Variants in SPPL3 observed in about 807,000 individuals in gnomAD.
The protein encoded by SPPL3 is signal peptide peptidase like 3, also known as signal peptide peptidase-like 3.
A neutral mutation model predicts 42.4 loss-of-function variants in SPPL3; 5 were observed. That is an observed-to-expected ratio of 0.12 (90% confidence interval 0.06 to 0.25). The LOEUF (loss-of-function observed/expected upper bound fraction) is 0.25. SPPL3 is among the 10% of genes least tolerant of loss of function. The probability of loss-of-function intolerance (pLI) is 1.00; values close to 1 mark genes in which losing one functional copy is unlikely to be tolerated. For missense variants in SPPL3, 235 were observed against 489.0 expected (o/e 0.48, Z 4.90); for synonymous variants, 195 against 181.8 (o/e 1.07, Z -0.58).
intron 6 of SPPL3, among the ~76,000 whole-genome samples, chr12:120,776,197 T>C (rs1443802666): frequency 6.6e-6 from 1 of 152,236 alleles, no homozygotes. Flanking sequence ...ACTGGGAAAC[T>C]GCAATAATGA....
intron 1 of SPPL3, among the ~76,000 whole-genome samples, chr12:120,883,027 G>A (rs535039939): frequency 3.2e-4 from 49 of 152,078 alleles, no homozygotes; most frequent in Admixed American, 3.3e-4. Context: ...TCTAGAGGCC[G>A]GGCGTGGTGG....
chr12:120,845,080 A>C (rs1286506382), intron 1 of SPPL3: 1 of 354,338 alleles, frequency 2.8e-6, no homozygotes, highest in Non-Finnish European at 5.6e-6. Context: ...AGCAGAGGGC[A>C]AGAGGAGTGA....
intron 1 of SPPL3, among the ~76,000 whole-genome samples, chr12:120,877,228 C>T (rs1050672841): frequency 4.6e-5 from 7 of 152,116 alleles, no homozygotes; most frequent in African/African-American, 1.7e-4. Flanking sequence ...GAAATTGTAG[C>T]TTAAAATCCT....
At chr12:120,852,878 T>TTATATATGA (rs1461979024) in intron 1 of SPPL3, among the ~76,000 whole-genome samples, 40 of 138,142 alleles carry the variant, frequency 2.9e-4, no homozygotes, top group Non-Finnish European at 4.1e-4. Context: ...TATATACATA[T>TTATATATGA]CATATATATT....
At chr12:120,796,451 G>A (rs561231899) in intron 2 of SPPL3, among the ~76,000 whole-genome samples, 20 of 152,246 alleles carry the variant, frequency 1.3e-4, no homozygotes, top group African/African-American at 4.1e-4. Context: ...CTGTTTTGAT[G>A]TACTTTGCTC....
intron 7 of SPPL3, 170 bp from the exon 8 acceptor site, chr12:120,768,658 T>C: frequency 2.5e-6 from 2 of 796,150 alleles, no homozygotes; most frequent in African/African-American, 1.7e-5. Context: ...TGCCAATTTC[T>C]GCACTCTCCA....
intron 1 of SPPL3, among the ~76,000 whole-genome samples, chr12:120,900,157 T>C (rs1262582217): frequency 6.6e-6 from 1 of 152,070 alleles, no homozygotes; most frequent in Non-Finnish European, 1.5e-5. Flanking sequence ...TTGCCAATAA[T>C]TTACATCTTA....
intron 6 of SPPL3, among the ~76,000 whole-genome samples, chr12:120,781,402 T>C (rs560882277): frequency 5.9e-5 from 9 of 152,196 alleles, no homozygotes; most frequent in South Asian, 2.1e-4. Context: ...TGTAATGATA[T>C]AGACATGTAT....
intron 1 of SPPL3, among the ~76,000 whole-genome samples, chr12:120,855,558 T>G (rs912674560): frequency 6.6e-6 from 1 of 151,942 alleles, no homozygotes; most frequent in African/African-American, 2.4e-5. Context: ...ATGACGGCAG[T>G]TGCCTGTAAT....
chr12:120,805,020 T>C (rs911928463), intron 2 of SPPL3, among the ~76,000 whole-genome samples: 1 of 152,136 alleles, frequency 6.6e-6, no homozygotes, highest in African/African-American at 2.4e-5. Context: ...AGGTCCAGAA[T>C]AGGCAAATCT....
At chr12:120,834,746 G>A (rs1183144988) in intron 1 of SPPL3, among the ~76,000 whole-genome samples, 1 of 152,106 alleles carries the variant, frequency 6.6e-6, no homozygotes, top group Non-Finnish European at 1.5e-5. Context: ...ATAACCTTTT[G>A]TGTTTCCCTT....
At chr12:120,864,148 T>A (rs1872695004) in intron 1 of SPPL3, among the ~76,000 whole-genome samples, 1 of 152,204 alleles carries the variant, frequency 6.6e-6, no homozygotes. Flanking sequence ...GTTTCCTCAG[T>A]TGTGAGCTCT....
chr12:120,839,929 C>T (rs1871753387), intron 1 of SPPL3, among the ~76,000 whole-genome samples: 1 of 152,084 alleles, frequency 6.6e-6, no homozygotes, highest in African/African-American at 2.4e-5. Context: ...ATGTCCACCA[C>T]TGAGAAATAA....
intron 1 of SPPL3, among the ~76,000 whole-genome samples, chr12:120,820,650 G>T (rs1871037424): frequency 6.6e-6 from 1 of 152,034 alleles, no homozygotes; most frequent in Admixed American, 6.5e-5. Context: ...TATAATGTTG[G>T]AGATCATTGT....
At chr12:120,773,700 C>T (rs574434393) in intron 6 of SPPL3, among the ~76,000 whole-genome samples, 8 of 152,308 alleles carry the variant, frequency 5.3e-5, no homozygotes, top group East Asian at 3.9e-4. Flanking sequence ...GCTTGGCTCA[C>T]GGCAACCTGT....
chr12:120,870,877 A>G (rs1872897402), intron 1 of SPPL3, among the ~76,000 whole-genome samples: 1 of 151,946 alleles, frequency 6.6e-6, no homozygotes, highest in Non-Finnish European at 1.5e-5. Flanking sequence ...GTTTAAGAAG[A>G]TGAACTTTGG....
intron 1 of SPPL3, among the ~76,000 whole-genome samples, chr12:120,866,335 T>C (rs1016611028): frequency 6.6e-6 from 1 of 151,262 alleles, no homozygotes; most frequent in Non-Finnish European, 1.5e-5. Flanking sequence ...AGACTATACA[T>C]CATAAACTTA....
chr12:120,789,471 GCATT>G (rs1869839506), intron 3 of SPPL3, among the ~76,000 whole-genome samples: 1 of 76,106 alleles, frequency 1.3e-5, no homozygotes, highest in Admixed American at 1.5e-4. Flanking sequence ...AAGAAAAAAA[GCATT>G]TAAAAAAGAA....
intron 1 of SPPL3, among the ~76,000 whole-genome samples, chr12:120,873,701 G>A (rs190094313): frequency 7.9e-5 from 12 of 152,030 alleles, no homozygotes; most frequent in African/African-American, 2.2e-4. Context: ...GTGAAACCCC[G>A]TCTCTAATAA....
Sources: allele counts gnomAD v4.1 joint callset (sites outside exome capture counted in the v4.1 genomes callset), GRCh38; gene constraint gnomAD v4.1.1; transcripts MANE v1.5; gene names NCBI Gene and HGNC (gene_info 2026-07-23, HGNC 2026-07-21).